Variants in FGF12 observed in about 807,000 individuals in gnomAD.
FGF12 encodes fibroblast growth factor 12, also known as fibroblast growth factor 12B.
FGF12 carries 14 observed loss-of-function variants against 23.6 expected under a neutral mutation model. The ratio of observed to expected loss-of-function variants is 0.59; its 90% confidence interval spans 0.39 to 0.93. The LOEUF is 0.93. Among genes scored for constraint, FGF12 ranks in the 40% least tolerant of loss-of-function variants. The pLI, the probability that FGF12 is intolerant of heterozygous loss-of-function variation, is 0.00. For synonymous variants in FGF12, 62 were observed against 77.3 expected, an observed-to-expected ratio of 0.80 and a Z score of 1.04; for missense variants, 175 against 217.8, an observed-to-expected ratio of 0.80 and a Z score of 1.24.
chr3:192,249,539 G>GT (rs372724649), intron 4 of FGF12, among the ~76,000 whole-genome samples: 43 of 150,272 alleles, frequency 2.9e-4, no homozygotes, highest in Admixed American at 1.1e-3. Context: ...GAAGAGAGGA[G>GT]TTTTTTTTTT....
At chr3:192,554,516 G>A (rs1397873169) in intron 2 of FGF12, among the ~76,000 whole-genome samples, 1 of 152,162 alleles carries the variant, frequency 6.6e-6, no homozygotes, top group African/African-American at 2.4e-5. Flanking sequence ...GCATCCATAG[G>A]AAAAGTTTGA....
At chr3:192,420,811 A>ATTTGATG (rs1721503104) in intron 2 of FGF12, among the ~76,000 whole-genome samples, 1 of 152,188 alleles carries the variant, frequency 6.6e-6, no homozygotes. Flanking sequence ...GGGCTGCTAC[A>ATTTGATG]CTTAATTATT....
chr3:192,297,308 G>A (rs375919390), intron 4 of FGF12, among the ~76,000 whole-genome samples: 29 of 152,124 alleles, frequency 1.9e-4, no homozygotes, highest in Admixed American at 2.0e-4. Flanking sequence ...TGGTTCAGTC[G>A]CAATACTTTG....
At chr3:192,250,303 A>G (rs1382336278) in intron 4 of FGF12, among the ~76,000 whole-genome samples, 1 of 152,194 alleles carries the variant, frequency 6.6e-6, no homozygotes, top group East Asian at 1.9e-4. Flanking sequence ...ATTAATCATT[A>G]GCTAGTTAAG....
intron 2 of FGF12, among the ~76,000 whole-genome samples, chr3:192,555,747 G>A (rs572449850): frequency 8.6e-5 from 13 of 150,996 alleles, no homozygotes; most frequent in African/African-American, 1.2e-4. Context: ...GCAGCGAGCC[G>A]AGATCATGCC....
chr3:192,646,276 G>C (rs1716002467), intron 2 of FGF12, among the ~76,000 whole-genome samples: 1 of 152,168 alleles, frequency 6.6e-6, no homozygotes, highest in Middle Eastern at 3.4e-3. Context: ...TTTAATAAAA[G>C]AGGCAGGGGA....
intron 2 of FGF12, chr3:192,673,305 G>A (rs1320353847): frequency 6.6e-6 from 1 of 150,996 alleles, no homozygotes; most frequent in Non-Finnish European, 1.5e-5. Flanking sequence ...CTGTAATACA[G>A]AGACAAATCA....
At chr3:192,418,863 T>C (rs1421327623) in intron 2 of FGF12, among the ~76,000 whole-genome samples, 1 of 152,228 alleles carries the variant, frequency 6.6e-6, no homozygotes, top group Non-Finnish European at 1.5e-5. Flanking sequence ...TAAACCTCTT[T>C]TCTCTACAAA....
intron 2 of FGF12, among the ~76,000 whole-genome samples, chr3:192,648,790 A>G (rs563403543): frequency 6.6e-6 from 1 of 152,376 alleles, no homozygotes; most frequent in Admixed American, 6.5e-5. Flanking sequence ...AGAAAGCAGA[A>G]TAAATTTTCT....
intron 2 of FGF12, among the ~76,000 whole-genome samples, chr3:192,678,784 C>A (rs1015897250): frequency 7.2e-5 from 11 of 152,274 alleles, no homozygotes; most frequent in African/African-American, 2.6e-4. Flanking sequence ...TCCTGAGAGC[C>A]AGCCCAGGCC....
At chr3:192,393,961 G>T (rs1720412735) in intron 2 of FGF12, among the ~76,000 whole-genome samples, 1 of 152,088 alleles carries the variant, frequency 6.6e-6, no homozygotes, top group East Asian at 1.9e-4. Flanking sequence ...GATAATTAAG[G>T]CATGACTTGC....
rs1393755197 is a variant in FGF12 at position 192,409,996 on chromosome 3, C to T, written c.14-49458G>A. Among the ~76,000 whole-genome samples the T allele has an allele frequency of 1.3e-5, 2 of 152,090 alleles. No homozygotes were observed. Among genetic ancestry groups the T allele is most frequent in the African/African-American group, 4.8e-5 (2 of 41,440 alleles). On this transcript the variant is annotated intron_variant, in intron 2 of 5. Coordinates refer to ENST00000445105, the MANE Select transcript of FGF12 (RefSeq NM_004113.6). The surrounding 1 kb of genome is among the most constrained non-coding windows in gnomAD (Gnocchi z 4.8). ...TGAGGCTCTGGGCGCGCGGAGCCGC[C>T]GCCGCCCCTCCGGCTGGCTCAGCTG...
At position 192,677,718 on chromosome 3, in the gene FGF12, C is replaced by T. The variant is rs150708810; in HGVS notation, c.13+49463G>A. Among the ~76,000 whole-genome samples, 711 of 152,264 alleles carry T rather than the reference C, an allele frequency of 4.7e-3. 5 individuals are homozygous for T. Among genetic ancestry groups the T allele is most frequent in the African/African-American group, 0.016 (673 of 41,540 alleles). On this transcript the variant is annotated intron_variant, in intron 2 of 5. Transcript: ENST00000445105. ...TTATATTTTTCAATGCAAGCTGCCC[C>T]ACCCAGAGACATATGATGATGCAAA...
At chr3:192,265,417 GTAGGTGGCTCTTTCTCCCTTAATTATTTC>G (rs1713019518) in intron 4 of FGF12, 1 of 152,092 alleles carries the variant, frequency 6.6e-6, no homozygotes. Context: ...CATATAAAGG[GTAGGTGGCTCTTTCTCCCTTAATTATTTC>G]TCATGATAAG....
At chr3:192,303,731 T>A (rs761986083) in intron 4 of FGF12, among the ~76,000 whole-genome samples, 6 of 152,184 alleles carry the variant, frequency 3.9e-5, no homozygotes, top group Non-Finnish European at 8.8e-5. Flanking sequence ...TGCCCATGTG[T>A]TCTGAGGCAT....
At position 192,216,977 on chromosome 3, in the gene FGF12, T is replaced by C. The variant is rs184185807; in HGVS notation, c.229-46321A>G. The stretch of plus-strand genomic sequence containing the variant: ...AAACTTGATGTTTCTAATGTGTTTG[T>C]TTTATTTATAATCTGTGCAGCAAGG... On this transcript the variant is annotated intron_variant, in intron 4 of 5. Transcript: ENST00000445105. 1.0e-3 allele frequency among the ~76,000 whole-genome samples: 154 copies of C among 152,330 alleles called. 1 individual carries two copies. The highest frequency in any genetic ancestry group is 3.5e-3 in the African/African-American group (144 of 41,582).
intron 2 of FGF12, among the ~76,000 whole-genome samples, chr3:192,725,133 T>G (rs1453453243): frequency 6.6e-6 from 1 of 152,240 alleles, no homozygotes; most frequent in African/African-American, 2.4e-5. Flanking sequence ...AAATTTCAAG[T>G]TAGCTACCAT....
intron 4 of FGF12, among the ~76,000 whole-genome samples, chr3:192,252,067 G>T (rs1222474261): frequency 4.6e-5 from 7 of 151,754 alleles, no homozygotes; most frequent in Admixed American, 2.6e-4. Context: ...ATTTTTTTTT[G>T]TGTGTAAGTC....
At chr3:192,444,412 G>C (rs535908934) in intron 2 of FGF12, among the ~76,000 whole-genome samples, 116 of 149,860 alleles carry the variant, frequency 7.7e-4, no homozygotes, top group Non-Finnish European at 1.4e-3. Context: ...TGTTCCTTTT[G>C]TCTTTTTTTT....
Sources: allele counts gnomAD v4.1 joint callset (sites outside exome capture counted in the v4.1 genomes callset), GRCh38; gene constraint gnomAD v4.1.1; non-coding constraint Gnocchi (gnomAD v3.1); transcripts MANE v1.5; gene names NCBI Gene and HGNC (gene_info 2026-07-23, HGNC 2026-07-21).